Variants in CSTA observed in about 807,000 individuals in gnomAD.
CSTA encodes cystatin A.
Under a neutral mutation model 9.2 loss-of-function variants are expected in CSTA, and 9 were observed. That is an observed-to-expected ratio of 0.97 (90% CI 0.59 to 1.70). The LOEUF (loss-of-function observed/expected upper bound fraction) is 1.70. Among genes scored for constraint, CSTA ranks in the 40% most tolerant of loss-of-function variants. CSTA has a pLI of 0.00. For missense variants in CSTA, 118 were observed against 113.1 expected (o/e 1.04, Z -0.20); for synonymous variants, 36 against 40.6 (o/e 0.89, Z 0.43).
In CSTA at chr3:122,341,699, G is replaced by A. The variant is rs560948605; in HGVS notation, c.*132G>A. ...TTTCTTCAATTATTTCTCATTTATT[G>A]TATTAAGCAGAAATTACCTTTTCTT... On this transcript the variant is annotated 3_prime_UTR_variant, in exon 3 of 3. Transcript: ENST00000264474. The A allele has an allele frequency of 6.0e-6, 7 of 1,166,618 alleles. No individual in the cohort carries two copies. In the African/African-American group the frequency reaches 1.1e-4, roughly 18 times the overall value. The allele number at this position is 1,166,618 out of a possible 1,614,324, so 72.3% of individuals were successfully genotyped here. A position where few individuals can be genotyped will look rare whatever the true frequency, so the allele number is the denominator to read the frequency against.
chr3:122,336,696 A>G lies in CSTA; in HGVS notation c.67-851A>G, dbSNP rs916199535. Among the ~76,000 whole-genome samples the G allele has an allele frequency of 6.6e-5, 10 of 152,276 alleles. No individual in the cohort carries two copies. The East Asian group carries it at 1.2e-3, about 18-fold the overall frequency. On this transcript the variant is annotated intron_variant, in intron 1 of 2. Coordinates refer to ENST00000264474, the MANE Select transcript of CSTA (RefSeq NM_005213.4). Reference sequence around the variant, plus strand: ...AAGACACTTACTAATTACAAAGGGGAAAAAAATGGTAACTTTACCGTGGAG... The same window carrying G: ...AAGACACTTACTAATTACAAAGGGGGAAAAAATGGTAACTTTACCGTGGAG...
In CSTA at chr3:122,341,611, A is replaced by G. The variant is rs1314303236; in HGVS notation, c.*44A>G. On this transcript the variant is annotated 3_prime_UTR_variant, in exon 3 of 3. Coordinates refer to ENST00000264474, the MANE Select transcript of CSTA (RefSeq NM_005213.4). ...TTCTGATTCCTTCAACTGGCTACTG[A>G]GTCATGATCCTTGCTGATAAATATA... The G allele has an allele frequency of 6.2e-7, 1 of 1,611,580 alleles. No individual in the cohort carries two copies. Among genetic ancestry groups the G allele is most frequent in the Non-Finnish European group, 8.5e-7 (1 of 1,177,932 alleles).
chr3:122,339,946 G>A (rs1221623788), intron 2 of CSTA, among the ~76,000 whole-genome samples: 1 of 152,208 alleles, frequency 6.6e-6, no homozygotes, highest in African/African-American at 2.4e-5. Flanking sequence ...CTGACTAGCT[G>A]AGAGATTTAT....
At position 122,335,141 on chromosome 3, in the gene CSTA, T is replaced by C. The variant is rs936771228; in HGVS notation, c.67-2406T>C. On this transcript the variant is annotated intron_variant, in intron 1 of 2. Coordinates refer to ENST00000264474, the MANE Select transcript of CSTA (RefSeq NM_005213.4). ...TTGATGGGCTCAGTAAAAGTTTACA[T>C]ATTGAATTTGGGACTGTCTCCCTTC... is the stretch of plus-strand genomic sequence containing the variant. 6.6e-5 allele frequency among the ~76,000 whole-genome samples: 10 copies of C among 152,180 alleles called. No homozygotes were observed. The South Asian group carries it at 2.1e-3, about 32-fold the overall frequency.
intron 1 of CSTA, among the ~76,000 whole-genome samples, chr3:122,334,604 A>G (rs2075226419): frequency 6.6e-6 from 1 of 152,222 alleles, no homozygotes; most frequent in Admixed American, 6.5e-5. Context: ...TGAAGGGCAT[A>G]AAAGCAAGTT....
intron 1 of CSTA, among the ~76,000 whole-genome samples, chr3:122,332,021 T>C (rs750765042): frequency 2.6e-5 from 4 of 152,180 alleles, no homozygotes; most frequent in Non-Finnish European, 4.4e-5. Flanking sequence ...CCTATGAGAA[T>C]CTAATGCTGC....
At chr3:122,327,312 G>A (rs966915544) in intron 1 of CSTA, among the ~76,000 whole-genome samples, 1 of 151,260 alleles carries the variant, frequency 6.6e-6, no homozygotes, top group Non-Finnish European at 1.5e-5. Flanking sequence ...GGTGGATCAC[G>A]AGGTCAGGAG....
chr3:122,327,451 C>T (rs1299988228), intron 1 of CSTA, among the ~76,000 whole-genome samples: 1 of 149,926 alleles, frequency 6.7e-6, no homozygotes, highest in Admixed American at 6.7e-5. Flanking sequence ...ATGGCGTGAA[C>T]CCGGGAGGTG....
intron 2 of CSTA, among the ~76,000 whole-genome samples, chr3:122,340,051 C>T (rs1436280716): frequency 6.6e-6 from 1 of 152,120 alleles, no homozygotes; most frequent in Non-Finnish European, 1.5e-5. Flanking sequence ...TTAATATAAT[C>T]ATTTATATAA....
intron 1 of CSTA, among the ~76,000 whole-genome samples, chr3:122,333,943 G>T (rs2075222316): frequency 1.3e-5 from 2 of 152,160 alleles, no homozygotes; most frequent in Admixed American, 6.5e-5. Context: ...GGTTTAAATG[G>T]ATACTTTGGG....
At position 122,337,648 on chromosome 3, in the gene CSTA, G is replaced by A; in HGVS notation, c.168G>A (p.Lys56=). Residue 56 remains lysine (K), a splice_region_variant and synonymous_variant, in exon 2 of 3, where the codon AAG becomes AAA. Coordinates refer to ENST00000264474, the MANE Select transcript of CSTA (RefSeq NM_005213.4). ...TTGCTGGAACAAATTACTACATTAAGGTTAGAGTTCAGCACCTACTTTAGC... is the reference window on the plus strand; with the variant it reads ...TTGCTGGAACAAATTACTACATTAAAGTTAGAGTTCAGCACCTACTTTAGC... ...QVVAGTNYYI[K]VRAGDNKYMH... 1 of 1,587,782 alleles carries A rather than the reference G, an allele frequency of 6.3e-7. No homozygotes were observed.
At chr3:122,339,765 G>T (rs563006169) in intron 2 of CSTA, among the ~76,000 whole-genome samples, 2 of 152,292 alleles carry the variant, frequency 1.3e-5, no homozygotes, top group South Asian at 4.1e-4. Context: ...TGAGGTAGGA[G>T]GATCACTTGA....
chr3:122,327,944 C>A (rs2075180065), intron 1 of CSTA, among the ~76,000 whole-genome samples: 1 of 151,952 alleles, frequency 6.6e-6, no homozygotes, highest in Non-Finnish European at 1.5e-5. Context: ...ATCTGTGAGC[C>A]CCATCTTAAA....
chr3:122,326,067 G>C (rs968641604), intron 1 of CSTA, among the ~76,000 whole-genome samples: 1 of 152,160 alleles, frequency 6.6e-6, no homozygotes, highest in African/African-American at 2.4e-5. Context: ...CACCCAGGCT[G>C]GAGTGCAATG....
In CSTA at chr3:122,341,752, G is replaced by C. The variant is rs2075267182; in HGVS notation, c.*185G>C. On this transcript the variant is annotated 3_prime_UTR_variant, in exon 3 of 3. Transcript: ENST00000264474. ...TCAAAATCAGTGTTATTGCTTTAGA[G>C]TATAAACTCCATATAAATTGATGGC... The C allele has an allele frequency of 1.4e-6, 1 of 698,196 alleles. No individual in the cohort carries two copies. Among genetic ancestry groups the C allele is most frequent in the Admixed American group, 3.0e-5 (1 of 33,810 alleles). The allele number at this position is 698,196 out of a possible 1,614,324, so 43.3% of individuals were successfully genotyped here.
intron 1 of CSTA, among the ~76,000 whole-genome samples, chr3:122,331,403 A>C (rs1198963126): frequency 1.3e-5 from 2 of 152,022 alleles, no homozygotes; most frequent in Non-Finnish European, 2.9e-5. Flanking sequence ...TCCTTCAGGC[A>C]CCTACCTTCC....
chr3:122,336,314 T>A (rs1227959159), intron 1 of CSTA, among the ~76,000 whole-genome samples: 2 of 152,130 alleles, frequency 1.3e-5, no homozygotes, highest in Non-Finnish European at 2.9e-5. Flanking sequence ...AGTCAGAAAG[T>A]AAGGAAGTGC....
intron 1 of CSTA, among the ~76,000 whole-genome samples, chr3:122,328,811 G>C (rs942572876): frequency 1.3e-5 from 2 of 150,842 alleles, no homozygotes; most frequent in African/African-American, 4.9e-5. Context: ...CGTGGTGACG[G>C]GCGCCTGTAG....
In CSTA at chr3:122,341,652, G is replaced by A. The variant is rs948053597; in HGVS notation, c.*85G>A. The stretch of plus-strand genomic sequence containing the variant: ...GATAAATATAACCATCAATAAAGAA[G>A]CATTCTTTTCCAAAGAAATTATTTC... On this transcript the variant is annotated 3_prime_UTR_variant, in exon 3 of 3. Transcript: ENST00000264474. The A allele has an allele frequency of 1.1e-5, 17 of 1,479,262 alleles. No homozygotes were observed. Among genetic ancestry groups the A allele is most frequent in the Non-Finnish European group, 1.3e-5 (14 of 1,067,432 alleles). The allele number at this position is 1,479,262 out of a possible 1,614,324, so 91.6% of individuals were successfully genotyped here.
Sources: allele counts gnomAD v4.1 joint callset (sites outside exome capture counted in the v4.1 genomes callset), GRCh38; gene constraint gnomAD v4.1.1; transcripts MANE v1.5; gene names NCBI Gene and HGNC (gene_info 2026-07-23, HGNC 2026-07-21).